Variants in USP22 observed in about 807,000 individuals in gnomAD.
USP22 encodes ubiquitin carboxyl-terminal hydrolase 22.
In USP22, 22 loss-of-function variants were observed where a neutral mutation model predicts 68.1. The ratio of observed to expected loss-of-function variants is 0.32; its 90% CI spans 0.23 to 0.46. USP22 has a LOEUF of 0.46. Ranked by LOEUF, USP22 falls within the 20% of genes least tolerant of loss-of-function variation. USP22 has a pLI of 1.00. For synonymous variants in USP22, 279 were observed against 274.2 expected (o/e 1.02, Z -0.17); for missense variants, 433 against 695.8 (o/e 0.62, Z 4.25).
chr17:21,018,770 C>T (rs1222932532), intron 4 of USP22, among the ~76,000 whole-genome samples: 1 of 152,164 alleles, frequency 6.6e-6, no homozygotes, highest in Non-Finnish European at 1.5e-5. Flanking sequence ...CTTACACTCA[C>T]ACACATCATT....
intron 6 of USP22, 175 bp downstream of exon 6, chr17:21,015,577 T>A: frequency 1.1e-6 from 1 of 908,890 alleles, no homozygotes; most frequent in Non-Finnish European, 1.6e-6. Flanking sequence ...GGAGCCTCTC[T>A]GAGGTCATTA....
intron 1 of USP22, among the ~76,000 whole-genome samples, chr17:21,030,495 C>T (rs1421754629): frequency 2.6e-5 from 4 of 152,188 alleles, no homozygotes; most frequent in South Asian, 2.1e-4. Context: ...GTCAATTAAA[C>T]GGGAAAAGAT....
chr17:21,043,247 G>C (rs1208071280), upstream of USP22: 6 of 171,680 alleles, frequency 3.5e-5, no homozygotes, highest in East Asian at 7.0e-4. Flanking sequence ...CGTGGTAGGG[G>C]GGGGAAGCTA....
At chr17:21,019,000 T>A (rs1972121923) in intron 4 of USP22, 84 bp downstream of exon 4, 7 of 1,389,522 alleles carry the variant, frequency 5.0e-6, no homozygotes, top group Admixed American at 1.7e-5. Context: ...CAGAATCATG[T>A]GGACTTAAGA....
At chr17:21,006,825 C>G in intron 10 of USP22, 71 bp downstream of exon 10, 1 of 1,306,722 alleles carries the variant, frequency 7.7e-7, no homozygotes, top group Non-Finnish European at 1.0e-6. Context: ...AATAGGAGCT[C>G]CGAGCTGGAT....
At chr17:21,020,734 G>A (rs76034691) in intron 3 of USP22, among the ~76,000 whole-genome samples, 1,572 of 152,318 alleles carry the variant, frequency 0.01, 34 homozygotes, top group African/African-American at 0.036. Context: ...GTCCAGATAC[G>A]GAGTCACCTG....
Position 21,033,167 on chromosome 17 carries a change from G to C in USP22, c.172-4493C>G, listed in dbSNP as rs138413245. Among the ~76,000 whole-genome samples the C allele has an allele frequency of 4.4e-3, 667 of 152,178 alleles. 7 individuals carry two copies. Among genetic ancestry groups the C allele is most frequent in the African/African-American group, 0.015 (632 of 41,496 alleles). ...GCTCCTGCAGAGGCAGGATTCCCCA[G>C]GCTGGCGGGTTTTCCTAGAAATTCA... On this transcript the variant is annotated intron_variant, in intron 1 of 12. Coordinates refer to ENST00000261497, the MANE Select transcript of USP22 (RefSeq NM_015276.2).
At position 21,002,807 on chromosome 17, in the gene USP22, C is replaced by T. The variant is rs1913634541; in HGVS notation, c.*224G>A. ...CTGCTCCTCCCACCCAGAGCACACCCCTCATCTCATCCATCTTCAAAGCAG... is the reference window on the plus strand; with the variant it reads ...CTGCTCCTCCCACCCAGAGCACACCTCTCATCTCATCCATCTTCAAAGCAG... On this transcript the variant is annotated 3_prime_UTR_variant, in exon 13 of 13. Coordinates refer to ENST00000261497, the MANE Select transcript of USP22 (RefSeq NM_015276.2). The T allele has an allele frequency of 1.9e-6, 1 of 522,616 alleles. No individual in the cohort carries two copies. The highest frequency in any genetic ancestry group is 1.9e-5 in the South Asian group (1 of 52,062). 32.4% of individuals were successfully genotyped at this position (522,616 alleles called of 1,614,324 possible). A position where few individuals can be genotyped will look rare whatever the true frequency, so the allele number is the denominator to read the frequency against.
intron 3 of USP22, among the ~76,000 whole-genome samples, 178 bp downstream of exon 3, chr17:21,020,935 C>T (rs956851350): frequency 6.6e-6 from 1 of 152,190 alleles, no homozygotes; most frequent in Non-Finnish European, 1.5e-5. Context: ...TAGCCACCTC[C>T]CCTGTCATGC....
chr17:21,034,434 C>T (rs143910565), intron 1 of USP22, among the ~76,000 whole-genome samples: 11 of 152,306 alleles, frequency 7.2e-5, no homozygotes, highest in East Asian at 5.8e-4. Flanking sequence ...TCCTCCCTTA[C>T]CTACAGTTCC....
chr17:21,011,682 G>A (rs1162148766), intron 7 of USP22: 2 of 240,240 alleles, frequency 8.3e-6, no homozygotes, highest in Non-Finnish European at 8.2e-6. Context: ...TGTGACCCTA[G>A]GCAACACTGG....
In USP22 at chr17:21,033,294, C is replaced by A. The variant is rs933665139; in HGVS notation, c.172-4620G>T. Among the ~76,000 whole-genome samples the A allele has an allele frequency of 2.6e-5, 4 of 152,292 alleles. No homozygotes were observed. In the East Asian group the frequency reaches 7.7e-4, roughly 29 times the overall value. On this transcript the variant is annotated intron_variant, in intron 1 of 12. Coordinates refer to ENST00000261497, the MANE Select transcript of USP22 (RefSeq NM_015276.2). ...AGATTCAGTAGACTGCAAGCAAATC[C>A]TGAAACATAACTAGGATTTGTATGT...
At chr17:21,010,949 G>A (rs572145190) in intron 8 of USP22, among the ~76,000 whole-genome samples, 3 of 152,288 alleles carry the variant, frequency 2.0e-5, no homozygotes, top group East Asian at 1.9e-4. Context: ...GGTGCTGTGC[G>A]AAGCTGGGGG....
At chr17:21,020,325 T>C (rs945039201) in intron 3 of USP22, among the ~76,000 whole-genome samples, 1 of 149,238 alleles carries the variant, frequency 6.7e-6, no homozygotes, top group African/African-American at 2.5e-5. Flanking sequence ...AATGACTGCA[T>C]GTTTGCTCCT....
chr17:21,019,002 G>A (rs1972121993), intron 4 of USP22, 82 bp downstream of exon 4: 3 of 1,405,236 alleles, frequency 2.1e-6, no homozygotes, highest in African/African-American at 2.8e-5. Flanking sequence ...GAATCATGTG[G>A]ACTTAAGAAA....
chr17:21,013,868 A>C (rs1914048148), intron 6 of USP22, among the ~76,000 whole-genome samples: 1 of 152,208 alleles, frequency 6.6e-6, no homozygotes, highest in Non-Finnish European at 1.5e-5. Context: ...AGGTTAGGAG[A>C]CCGAGACCAT....
Position 21,042,698 on chromosome 17 carries a change from CA to C in USP22, c.137del (p.Val46GlyfsTer60). The C allele has an allele frequency of 7.1e-7, 1 of 1,405,546 alleles. No homozygotes were observed. Among genetic ancestry groups the C allele is most frequent in the Non-Finnish European group, 9.4e-7 (1 of 1,069,038 alleles). The allele number at this position is 1,405,546 out of a possible 1,614,324, so 87.1% of individuals were successfully genotyped here. On this transcript the variant is annotated frameshift_variant, in exon 1 of 13. Coordinates refer to ENST00000261497, the MANE Select transcript of USP22 (RefSeq NM_015276.2). LOFTEE classifies it high-confidence loss of function. The part of the protein sequence containing the change: ...QNLRAIYQCF[V>X]WSGTAEARKR... ...TGCGGGCCTCAGCCGTGCCGCTCCA[CA>C]CGAAGCACTGGTAGATGGCCCGCAG...
Position 21,028,455 on chromosome 17 carries a change from T to C in USP22, c.304+87A>G, listed in dbSNP as rs1373668874. 6 of 1,562,774 alleles carry C rather than the reference T, an allele frequency of 3.8e-6. No individual in the cohort carries two copies. In the African/African-American group the frequency reaches 8.1e-5, roughly 21 times the overall value. On this transcript the variant is annotated intron_variant, in intron 2 of 12. Transcript: ENST00000261497. ...TTGAGACAAACGACAAAGTGGACTT[T>C]TGGAAGAGTGGAACTGCAAATCAAA...
chr17:21,006,024 C>A (rs1913766289), intron 10 of USP22, among the ~76,000 whole-genome samples: 1 of 152,124 alleles, frequency 6.6e-6, no homozygotes, highest in Admixed American at 6.6e-5. Context: ...CGTGGAACCA[C>A]CAGCAGCTGG....
Sources: gnomAD v4.1 joint callset for allele counts (sites outside exome capture counted in the v4.1 genomes callset) on GRCh38, gnomAD v4.1.1 for gene constraint, MANE v1.5 for transcripts, NCBI Gene and HGNC (gene_info 2026-07-23, HGNC 2026-07-21) for gene names.